ALK: variants seen among roughly 807,000 people sequenced by gnomAD.
The protein encoded by ALK is ALK tyrosine kinase receptor.
ALK carries 74 observed loss-of-function variants against 163.1 expected under a neutral mutation model. The ratio of observed to expected loss-of-function variants is 0.45; its 90% CI spans 0.38 to 0.55. The LOEUF (loss-of-function observed/expected upper bound fraction) is 0.55. Among genes scored for constraint, ALK ranks in the 20% least tolerant of loss-of-function variants. The pLI is 0.00. For synonymous variants in ALK, 960 were observed against 843.2 expected, an observed-to-expected ratio of 1.14 and a Z score of -2.40; for missense variants, 2,063 against 2,105.3, an observed-to-expected ratio of 0.98 and a Z score of 0.39.
intron 3 of ALK, among the ~76,000 whole-genome samples, chr2:29,684,407 C>T (rs773843071): frequency 3.9e-5 from 6 of 152,178 alleles, no homozygotes; most frequent in Non-Finnish European, 8.8e-5. Flanking sequence ...GCACAGGGCT[C>T]CTTCCATTTC....
At position 29,330,205 on chromosome 2, in the gene ALK, G is replaced by A. The variant is rs143261417; in HGVS notation, c.1283-1724C>T. On this transcript the variant is annotated intron_variant, in intron 5 of 28. Transcript: ENST00000389048. ...GCTCTTCAAGGTCCCTGTGATCTGG[G>A]CCTAAGTTGCTTTGCCTCTCCCTCT... 1.2e-4 allele frequency among the ~76,000 whole-genome samples: 18 copies of A among 152,304 alleles called. No homozygotes were observed. The East Asian group carries it at 3.3e-3, about 28-fold the overall frequency.
chr2:29,635,756 C>T (rs1335796891), intron 3 of ALK, among the ~76,000 whole-genome samples: 5 of 148,550 alleles, frequency 3.4e-5, no homozygotes, highest in African/African-American at 1.2e-4. Context: ...ATATGCACCA[C>T]CATGCCTGGA....
chr2:29,343,207 A>G (rs1480765062), intron 5 of ALK, among the ~76,000 whole-genome samples: 2 of 140,654 alleles, frequency 1.4e-5, no homozygotes, highest in African/African-American at 5.4e-5. Context: ...TAAAATTTAA[A>G]AATTTTTTTT....
intron 12 of ALK, among the ~76,000 whole-genome samples, chr2:29,249,290 G>A (rs972432768): frequency 6.6e-6 from 1 of 152,186 alleles, no homozygotes; most frequent in African/African-American, 2.4e-5. Flanking sequence ...GGCTCCGCTG[G>A]GGGCTTACTG....
At chr2:29,885,290 G>C (rs542300955) in intron 1 of ALK, among the ~76,000 whole-genome samples, 2 of 152,262 alleles carry the variant, frequency 1.3e-5, no homozygotes, top group East Asian at 3.9e-4. Flanking sequence ...CTCTAGATCA[G>C]GGGGTCACAA....
At chr2:29,542,180 C>T (rs936888672) in intron 3 of ALK, among the ~76,000 whole-genome samples, 7 of 152,076 alleles carry the variant, frequency 4.6e-5, no homozygotes, top group South Asian at 2.1e-4. Context: ...AGTTTTCCCT[C>T]GGTCCCCACA....
chr2:29,324,923 C>T (rs776263033), intron 6 of ALK, among the ~76,000 whole-genome samples: 1 of 152,146 alleles, frequency 6.6e-6, no homozygotes, highest in Non-Finnish European at 1.5e-5. Context: ...GGGAATGTCA[C>T]CTCCATCTCA....
chr2:29,782,629 TC>T (rs1431237508), intron 1 of ALK, among the ~76,000 whole-genome samples: 1 of 152,044 alleles, frequency 6.6e-6, no homozygotes, highest in Non-Finnish European at 1.5e-5. Flanking sequence ...GGAGACCAAT[TC>T]CCAGGGAATA....
At chr2:29,623,170 A>G (rs1676083904) in intron 3 of ALK, among the ~76,000 whole-genome samples, 2 of 152,212 alleles carry the variant, frequency 1.3e-5, no homozygotes, top group Admixed American at 6.5e-5. Flanking sequence ...ATCATGGGCA[A>G]TGTTATCAAC....
At chr2:29,659,752 G>T (rs1167272051) in intron 3 of ALK, among the ~76,000 whole-genome samples, 1 of 152,118 alleles carries the variant, frequency 6.6e-6, no homozygotes, top group East Asian at 1.9e-4. Context: ...ATTCTGTCTT[G>T]TATTGTTATA....
intron 1 of ALK, among the ~76,000 whole-genome samples, chr2:29,799,418 G>C (rs540154281): frequency 3.3e-4 from 50 of 152,288 alleles, no homozygotes; most frequent in Admixed American, 7.8e-4. Context: ...TATAATCTCA[G>C]TGCTTTAGGA....
chr2:29,440,101 G>C (rs1021500625), intron 4 of ALK, among the ~76,000 whole-genome samples: 2 of 151,940 alleles, frequency 1.3e-5, no homozygotes, highest in African/African-American at 4.8e-5. Flanking sequence ...GGACGTACTG[G>C]TGAGTGTCTG....
Position 29,193,187 on chromosome 2 carries a change from G to A in ALK, c.*37C>T. 6.2e-7 allele frequency: 1 copy of A among 1,600,378 alleles called. No individual in the cohort carries two copies. Among genetic ancestry groups the A allele is most frequent in the Non-Finnish European group, 8.6e-7 (1 of 1,169,122 alleles). On this transcript the variant is annotated 3_prime_UTR_variant, in exon 29 of 29. Coordinates refer to ENST00000389048, the MANE Select transcript of ALK (RefSeq NM_004304.5). ...TGCCTCTCTCTCCTCCACGGTCTTA[G>A]GGATCCCAAGGAAGAGAAGTGAGTG...
intron 1 of ALK, among the ~76,000 whole-genome samples, chr2:29,725,671 T>A (rs563120176): frequency 6.6e-6 from 1 of 152,010 alleles, no homozygotes; most frequent in Admixed American, 6.6e-5. Flanking sequence ...TTAGAAAAAA[T>A]TAGGAAAAGC....
At chr2:29,360,768 T>G (rs1668368087) in intron 5 of ALK, among the ~76,000 whole-genome samples, 1 of 152,142 alleles carries the variant, frequency 6.6e-6, no homozygotes, top group Non-Finnish European at 1.5e-5. Flanking sequence ...TATTTCTAGG[T>G]TGATGAGATG....
intron 1 of ALK, among the ~76,000 whole-genome samples, chr2:29,769,430 T>C (rs1680955846): frequency 6.6e-6 from 1 of 151,998 alleles, no homozygotes; most frequent in Non-Finnish European, 1.5e-5. Context: ...GCCACCAAGA[T>C]GTCAACAGGC....
chr2:29,276,886 A>G (rs1665561828), intron 9 of ALK, among the ~76,000 whole-genome samples: 1 of 152,162 alleles, frequency 6.6e-6, no homozygotes, highest in South Asian at 2.1e-4. Flanking sequence ...GGTGATGAAA[A>G]TGCTCAGAAA....
intron 3 of ALK, among the ~76,000 whole-genome samples, chr2:29,608,005 C>A (rs1355143315): frequency 6.7e-6 from 1 of 149,272 alleles, no homozygotes; most frequent in Admixed American, 6.7e-5. Flanking sequence ...GGTATGTGTG[C>A]AAGTTTGTTA....
Position 29,903,569 on chromosome 2 carries a change from T to A in ALK, c.667+16424A>T, listed in dbSNP as rs527280472. Reference sequence around the variant, plus strand: ...AGATATTTATTTATCAGTTGGTCTATCAATCAATTGATTGATTGCCTCTGT... The same window carrying A: ...AGATATTTATTTATCAGTTGGTCTAACAATCAATTGATTGATTGCCTCTGT... On this transcript the variant is annotated intron_variant, in intron 1 of 28. Transcript: ENST00000389048. 2.6e-5 allele frequency among the ~76,000 whole-genome samples: 4 copies of A among 152,170 alleles called. No homozygotes were observed. The South Asian group carries it at 8.3e-4, about 32-fold the overall frequency.
Sources: gnomAD v4.1 joint callset for allele counts (sites outside exome capture counted in the v4.1 genomes callset) on GRCh38, gnomAD v4.1.1 for gene constraint, MANE v1.5 for transcripts, NCBI Gene and HGNC (gene_info 2026-07-23, HGNC 2026-07-21) for gene names.